Variants in WDR17 observed in about 807,000 individuals in gnomAD.
WDR17 encodes the protein WD repeat-containing protein 17.
Under a neutral mutation model 161.7 loss-of-function variants are expected in WDR17, and 143 were observed. That is an observed-to-expected ratio of 0.88 (90% CI 0.77 to 1.02). The LOEUF is 1.02. Among genes scored for constraint, WDR17 ranks in the 50% least tolerant of loss-of-function variants. The pLI, the probability that WDR17 is intolerant of heterozygous loss-of-function variation, is 0.00. For synonymous variants in WDR17, 517 were observed against 515.6 expected, an observed-to-expected ratio of 1.00 and a Z score of -0.04; for missense variants, 1,469 against 1,520.9, an observed-to-expected ratio of 0.97 and a Z score of 0.57.
chr4:176,171,333 T>C (rs1750705487), intron 23 of WDR17, among the ~76,000 whole-genome samples: 1 of 152,152 alleles, frequency 6.6e-6, no homozygotes, highest in East Asian at 1.9e-4. Flanking sequence ...CTCTATGCCA[T>C]GAGCATATAT....
chr4:176,083,479 C>T (rs1440206880), intron 1 of WDR17, among the ~76,000 whole-genome samples: 2 of 151,962 alleles, frequency 1.3e-5, no homozygotes, highest in African/African-American at 4.8e-5. Context: ...ATTTTTATAT[C>T]TGGCTTCTTT....
At chr4:176,087,768 A>G (rs1485776347) in intron 1 of WDR17, among the ~76,000 whole-genome samples, 1 of 152,054 alleles carries the variant, frequency 6.6e-6, no homozygotes, top group Non-Finnish European at 1.5e-5. Context: ...CAACTAATAA[A>G]CTCATCCATT....
intron 16 of WDR17, 71 bp from the exon 17 acceptor site, chr4:176,151,741 C>A (rs993726874): frequency 1.6e-4 from 214 of 1,331,502 alleles, no homozygotes; most frequent in Non-Finnish European, 1.9e-4. Context: ...AAATATGCAA[C>A]AAATTATTGT....
At chr4:176,083,689 T>C (rs1489209100) in intron 1 of WDR17, among the ~76,000 whole-genome samples, 1 of 152,126 alleles carries the variant, frequency 6.6e-6, no homozygotes, top group Non-Finnish European at 1.5e-5. Flanking sequence ...CTGTTGGCTA[T>C]ACACTTAGGA....
chr4:176,080,919 A>G (rs992488335), intron 1 of WDR17, among the ~76,000 whole-genome samples: 48 of 152,098 alleles, frequency 3.2e-4, no homozygotes, highest in Admixed American at 3.0e-3. Context: ...ATCTCCACCT[A>G]CATGTCGCAC....
At chr4:176,129,809 G>T (rs774196888) in intron 6 of WDR17, among the ~76,000 whole-genome samples, 4 of 150,334 alleles carry the variant, frequency 2.7e-5, no homozygotes, top group Non-Finnish European at 4.5e-5. Context: ...AAACTGGAGG[G>T]TCTAGAAATA....
chr4:176,116,972 A>G (rs1234475255), intron 3 of WDR17, among the ~76,000 whole-genome samples: 2 of 151,886 alleles, frequency 1.3e-5, no homozygotes, highest in African/African-American at 2.4e-5. Flanking sequence ...TTAATTTTCA[A>G]CTAGAAGTAT....
intron 4 of WDR17, among the ~76,000 whole-genome samples, chr4:176,120,777 A>G (rs2126723417): frequency 6.6e-6 from 1 of 151,870 alleles, no homozygotes; most frequent in Non-Finnish European, 1.5e-5. Flanking sequence ...CTGGCTGGCT[A>G]GATGGATGAA....
chr4:176,104,723 A>C (rs1738412056), intron 1 of WDR17, among the ~76,000 whole-genome samples: 1 of 152,062 alleles, frequency 6.6e-6, no homozygotes. Flanking sequence ...CCACAAATAA[A>C]ATAGCTATAG....
intron 9 of WDR17, 45 bp from the exon 10 acceptor site, chr4:176,139,847 G>A (rs1308253489): frequency 8.2e-6 from 12 of 1,461,662 alleles, no homozygotes; most frequent in East Asian, 4.6e-5. Context: ...AGAGAAAAAA[G>A]GGGTGAATTA....
chr4:176,067,324 G>T (rs760844842), intron 1 of WDR17, among the ~76,000 whole-genome samples: 3 of 152,216 alleles, frequency 2.0e-5, no homozygotes, highest in African/African-American at 7.2e-5. Context: ...TTACTGGATT[G>T]TTTGGAGATT....
In WDR17 at chr4:176,131,679, G is replaced by T; in HGVS notation, c.1039G>T (p.Asp347Tyr). The T allele has an allele frequency of 6.2e-7, 1 of 1,613,644 alleles. No homozygotes were observed. The highest frequency in any genetic ancestry group is 8.5e-7 in the Non-Finnish European group (1 of 1,179,762). ...TGGTCATGCAGTGTGTTGTTTCTTG[G>T]ATGGTGGAGTTGGACTTTATGATAT... The part of the protein sequence containing the change: ...PPGHAVCCFL[D>Y]GGVGLYDMGA... The change falls in exon 7 of 29, where the codon GAT becomes TAT. Residue 347 changes from aspartate to tyrosine, a missense_variant. Transcript: ENST00000508596.
At chr4:176,159,110 A>G (rs1282961010) in intron 18 of WDR17, among the ~76,000 whole-genome samples, 1 of 152,198 alleles carries the variant, frequency 6.6e-6, no homozygotes, top group South Asian at 2.1e-4. Context: ...ACCCCTACCC[A>G]AAGATTAAAA....
Position 176,179,460 on chromosome 4 carries a change from G to A in WDR17, c.3733G>A (p.Gly1245Ser). 1.3e-6 allele frequency: 2 copies of A among 1,593,672 alleles called. No individual in the cohort carries two copies. Among genetic ancestry groups the A allele is most frequent in the Non-Finnish European group, 8.6e-7 (1 of 1,169,212 alleles). Residue 1245 changes from glycine to serine, a missense_variant and splice_region_variant, in exon 29 of 29, where the codon GGC (glycine) becomes AGC (serine). Coordinates refer to ENST00000508596, the MANE Select transcript of WDR17 (RefSeq NM_181265.4). ...ISCLTGLKIQ[G>S]PVFFLEDGKS... ...TCTTTCCTCAACTCTCACTGTGCAG[G>A]GCCCTGTGTTTTTCCTTGAAGACGG...
At chr4:176,132,372 T>C (rs1034170438) in intron 7 of WDR17, among the ~76,000 whole-genome samples, 20 of 152,064 alleles carry the variant, frequency 1.3e-4, no homozygotes, top group African/African-American at 4.8e-4. Flanking sequence ...TTAATATTTG[T>C]CAAAAACAAT....
intron 1 of WDR17, among the ~76,000 whole-genome samples, chr4:176,105,081 C>T (rs929348321): frequency 2.0e-5 from 3 of 150,930 alleles, no homozygotes; most frequent in Non-Finnish European, 4.4e-5. Context: ...AGCAGGCATG[C>T]CCTATATTAA....
intron 7 of WDR17, 101 bp from the exon 8 acceptor site, chr4:176,135,006 GA>G (rs2126769452): frequency 1.7e-6 from 2 of 1,196,218 alleles, no homozygotes; most frequent in African/African-American, 1.5e-5. Context: ...TTAATATTTG[GA>G]AAACCGTATA....
intron 1 of WDR17, chr4:176,096,583 A>G: frequency 6.3e-7 from 1 of 1,586,246 alleles, no homozygotes. Context: ...AGGACTACAA[A>G]GAGTAAGATA....
At chr4:176,140,947 T>C (rs547025631) in intron 10 of WDR17, among the ~76,000 whole-genome samples, 38 of 152,216 alleles carry the variant, frequency 2.5e-4, no homozygotes, top group Non-Finnish European at 5.3e-4. Flanking sequence ...TTGACAGATA[T>C]CACTTTCAGT....
Sources: gnomAD v4.1 joint callset for allele counts (sites outside exome capture counted in the v4.1 genomes callset) on GRCh38, gnomAD v4.1.1 for gene constraint, MANE v1.5 for transcripts, NCBI Gene and HGNC (gene_info 2026-07-23, HGNC 2026-07-21) for gene names.